GTF2B: variants seen among roughly 807,000 people sequenced by gnomAD.
GTF2B encodes the protein general transcription factor IIB, also known as transcription initiation factor IIB.
Under a neutral mutation model 34.6 loss-of-function variants are expected in GTF2B, and 20 were observed. The observed-to-expected ratio is 0.58, with a 90% CI of 0.41 to 0.84. GTF2B has a LOEUF of 0.84. Ranked by LOEUF, GTF2B falls within the 40% of genes least tolerant of loss-of-function variation. The pLI is 0.00. For missense variants in GTF2B, 237 were observed against 393.3 expected (o/e 0.60, Z 3.36); for synonymous variants, 142 against 132.4 (o/e 1.07, Z -0.50).
At chr1:88,862,131 A>G (rs1673453119) in intron 3 of GTF2B, among the ~76,000 whole-genome samples, 1 of 152,246 alleles carries the variant, frequency 6.6e-6, no homozygotes. Flanking sequence ...ACTAAATACT[A>G]AAACAGTGTT....
chr1:88,863,893 G>T, intron 3 of GTF2B, 88 bp downstream of exon 3: 1 of 1,103,696 alleles, frequency 9.1e-7, no homozygotes, highest in Non-Finnish European at 1.4e-6. Context: ...CCCCACTGGT[G>T]CAGTGACTGA....
chr1:88,862,675 G>A (rs1398823565), intron 3 of GTF2B, among the ~76,000 whole-genome samples: 1 of 152,144 alleles, frequency 6.6e-6, no homozygotes, highest in East Asian at 1.9e-4. Context: ...GTGTCACTCT[G>A]TTGCCCAGGC....
intron 3 of GTF2B, among the ~76,000 whole-genome samples, chr1:88,861,821 G>C (rs1399174422): frequency 1.3e-5 from 2 of 152,106 alleles, no homozygotes; most frequent in East Asian, 3.9e-4. Context: ...GACAGAAAGA[G>C]ACCCTGTCTC....
intron 2 of GTF2B, among the ~76,000 whole-genome samples, chr1:88,883,332 A>T (rs1673988812): frequency 2.0e-5 from 3 of 152,244 alleles, no homozygotes; most frequent in Admixed American, 1.3e-4. Flanking sequence ...AAACTTTGCT[A>T]CTGCTAAGTC....
intron 1 of GTF2B, among the ~76,000 whole-genome samples, chr1:88,890,350 T>C (rs1377862836): frequency 1.3e-5 from 2 of 152,172 alleles, no homozygotes; most frequent in African/African-American, 2.4e-5. Flanking sequence ...TCAAACAGTA[T>C]ATTAGCTAAA....
At chr1:88,856,290 A>AAAAAAAAAAAAAAAG (rs1673310221) in intron 6 of GTF2B, among the ~76,000 whole-genome samples, 10 of 80,148 alleles carry the variant, frequency 1.2e-4, no homozygotes, top group South Asian at 6.7e-4. Flanking sequence ...AAAAAAAAAA[A>AAAAAAAAAAAAAAAG]CAAAAAAAAA....
intron 2 of GTF2B, among the ~76,000 whole-genome samples, chr1:88,872,468 A>AG (rs1427628699): frequency 6.6e-6 from 1 of 150,822 alleles, no homozygotes; most frequent in Non-Finnish European, 1.5e-5. Context: ...AAAAAAAAAA[A>AG]AAAAAAAAAA....
In GTF2B at chr1:88,864,016, G is replaced by A. The variant is rs757567520; in HGVS notation, c.223C>T (p.Leu75=). The change falls in exon 3 of 7, where the codon CTG becomes TTG. Residue 75 remains leucine (L), a synonymous_variant. Transcript: ENST00000370500. The part of the protein sequence containing the change: ...SRVGDSQNPL[L]SDGDLSTMIG... ...ATGGTAGACAAATCTCCATCACTCA[G>A]AAGAGGATTCTGAGAATCTCCAACT... 1 of 1,613,690 alleles carries A rather than the reference G, an allele frequency of 6.2e-7. No homozygotes were observed. The highest frequency in any genetic ancestry group is 8.5e-7 in the Non-Finnish European group (1 of 1,179,708).
intron 2 of GTF2B, among the ~76,000 whole-genome samples, chr1:88,877,873 G>A (rs1673850223): frequency 6.6e-6 from 1 of 152,254 alleles, no homozygotes; most frequent in Non-Finnish European, 1.5e-5. Flanking sequence ...AGAGGTTGCA[G>A]TGAGCCAAGA....
intron 5 of GTF2B, among the ~76,000 whole-genome samples, chr1:88,858,219 T>C (rs1404742125): frequency 6.6e-6 from 1 of 152,046 alleles, no homozygotes. Context: ...CAGGCTGGTC[T>C]TGAACTCCTG....
intron 1 of GTF2B, among the ~76,000 whole-genome samples, chr1:88,888,938 G>GT (rs1260816661): frequency 6.6e-6 from 1 of 152,174 alleles, no homozygotes; most frequent in African/African-American, 2.4e-5. Flanking sequence ...AGTGCTAGTG[G>GT]TATCTGATTT....
chr1:88,870,882 G>A (rs1673675935), intron 2 of GTF2B, among the ~76,000 whole-genome samples: 1 of 140,028 alleles, frequency 7.1e-6, no homozygotes, highest in Non-Finnish European at 1.5e-5. Context: ...AGACCACTGT[G>A]TTTCTTACAC....
intron 2 of GTF2B, among the ~76,000 whole-genome samples, chr1:88,879,089 C>A (rs1673873588): frequency 6.6e-6 from 1 of 152,066 alleles, no homozygotes; most frequent in African/African-American, 2.4e-5. Flanking sequence ...AAATTGGTTC[C>A]TGAAGTATTA....
intron 6 of GTF2B, 139 bp from the exon 7 acceptor site, chr1:88,853,485 A>C: frequency 1.3e-6 from 1 of 773,814 alleles, no homozygotes; most frequent in South Asian, 1.7e-5. Context: ...AAAAACTGAT[A>C]ATAGAAATAC....
In GTF2B at chr1:88,864,003, T is replaced by C. The variant is rs1332832495; in HGVS notation, c.236A>G (p.Asp79Gly). 1.9e-6 allele frequency: 3 copies of C among 1,613,640 alleles called. No homozygotes were observed. The highest frequency in any genetic ancestry group is 2.5e-6 in the Non-Finnish European group (3 of 1,179,674). Residue 79 changes from aspartate to glycine, a missense_variant, in exon 3 of 7, where the codon GAT (aspartate) becomes GGT (glycine). Asp to Gly is a moderately conservative substitution (Grantham distance 94). This residue lies in a region of GTF2B where 130 missense variants were observed against 170.9 expected (regional missense o/e 0.76). Transcript: ENST00000370500. ...TACCTTGCCAATCATGGTAGACAAA[T>C]CTCCATCACTCAGAAGAGGATTCTG... ...DSQNPLLSDG[D>G]LSTMIGKGTG...
chr1:88,890,527 T>C (rs1213638325), intron 1 of GTF2B, among the ~76,000 whole-genome samples: 1 of 152,238 alleles, frequency 6.6e-6, no homozygotes, highest in East Asian at 1.9e-4. Flanking sequence ...GTAGAATTAA[T>C]TTGATACTTT....
chr1:88,870,737 A>G (rs149844720), intron 2 of GTF2B, among the ~76,000 whole-genome samples: 2 of 152,304 alleles, frequency 1.3e-5, no homozygotes, highest in Admixed American at 1.3e-4. Flanking sequence ...AACTTTCAAA[A>G]CAGTGCTCTT....
intron 2 of GTF2B, among the ~76,000 whole-genome samples, chr1:88,879,062 A>C (rs566437493): frequency 6.6e-6 from 1 of 152,314 alleles, no homozygotes; most frequent in South Asian, 2.1e-4. Context: ...TTTGTAATGT[A>C]ACTGTAAATG....
chr1:88,856,285 A>AAAAAAAAAAAAAAAAAAAG (rs1673309098), intron 6 of GTF2B, among the ~76,000 whole-genome samples: 1 of 106,222 alleles, frequency 9.4e-6, no homozygotes, highest in East Asian at 2.0e-4. Flanking sequence ...AAAAAAAAAA[A>AAAAAAAAAAAAAAAAAAAG]AAAAACAAAA....
Sources: allele counts gnomAD v4.1 joint callset (sites outside exome capture counted in the v4.1 genomes callset), GRCh38; gene constraint gnomAD v4.1.1; regional missense constraint gnomAD v4.1.1; transcripts MANE v1.5; gene names NCBI Gene and HGNC (gene_info 2026-07-23, HGNC 2026-07-21).